Variants in ZFPM2 observed in about 807,000 individuals in gnomAD.
ZFPM2 encodes zinc finger protein ZFPM2.
ZFPM2 carries 20 observed loss-of-function variants against 98.6 expected under a neutral mutation model. The ratio of observed to expected loss-of-function variants is 0.20; its 90% confidence interval spans 0.14 to 0.29. The LOEUF is 0.29. ZFPM2 is among the 10% of genes least tolerant of loss of function. The pLI is 1.00. For missense variants in ZFPM2, 1,310 were observed against 1,388.6 expected, an observed-to-expected ratio of 0.94 and a Z score of 0.90; for synonymous variants, 518 against 502.7, an observed-to-expected ratio of 1.03 and a Z score of -0.41.
chr8:105,785,312 C>G (rs1813381604), intron 5 of ZFPM2: 1 of 148,094 alleles, frequency 6.8e-6, no homozygotes, highest in South Asian at 2.1e-4. Context: ...TACACACATA[C>G]AACAGACACA....
At chr8:105,403,968 G>A (rs1449542784) in intron 1 of ZFPM2, among the ~76,000 whole-genome samples, 1 of 150,142 alleles carries the variant, frequency 6.7e-6, no homozygotes, top group Non-Finnish European at 1.5e-5. Context: ...TGATGCTAAG[G>A]GACTTTGATG....
intron 3 of ZFPM2, among the ~76,000 whole-genome samples, chr8:105,493,096 T>C (rs772403762): frequency 1.5e-4 from 23 of 152,206 alleles, no homozygotes; most frequent in Non-Finnish European, 3.1e-4. Flanking sequence ...TGATTAAATA[T>C]GTCTGGCTTT....
intron 5 of ZFPM2, among the ~76,000 whole-genome samples, chr8:105,770,241 C>T (rs1368582829): frequency 6.6e-6 from 1 of 151,962 alleles, no homozygotes; most frequent in East Asian, 1.9e-4. Context: ...TCACAAGTAC[C>T]CTGTACTAGT....
chr8:105,738,834 C>G (rs966910486), intron 5 of ZFPM2, among the ~76,000 whole-genome samples: 1 of 151,754 alleles, frequency 6.6e-6, no homozygotes, highest in Non-Finnish European at 1.5e-5. Context: ...ACATTTCAAT[C>G]AATGCAAATA....
rs1813911095 is a variant in ZFPM2 at position 105,798,818 on chromosome 8, A to G, written c.834A>G (p.Arg278=). Residue 278 remains arginine, a synonymous_variant, in exon 7 of 8, where the codon AGA becomes AGG. Transcript: ENST00000407775. ...HLMYYCSGRQ[R]EAAPVSEENE... The stretch of plus-strand genomic sequence containing the variant: ...TGTACTACTGCAGTGGGAGGCAAAG[A>G]GAAGCTGCTCCGGTGTCAGAGGAAA... 1 of 1,613,854 alleles carries G rather than the reference A, an allele frequency of 6.2e-7. No homozygotes were observed. The highest frequency in any genetic ancestry group is 1.7e-5 in the Admixed American group (1 of 59,998).
intron 3 of ZFPM2, among the ~76,000 whole-genome samples, chr8:105,475,123 C>T (rs1424505564): frequency 6.6e-6 from 1 of 152,174 alleles, no homozygotes; most frequent in East Asian, 1.9e-4. Flanking sequence ...TAACATATAA[C>T]TTAGAGGAGT....
At chr8:105,681,843 T>TC (rs1157344970) in intron 5 of ZFPM2, among the ~76,000 whole-genome samples, 2 of 152,178 alleles carry the variant, frequency 1.3e-5, no homozygotes, top group Admixed American at 6.5e-5. Flanking sequence ...GTCTTTTTTT[T>TC]CAACACTGAC....
rs141704899 is a variant in ZFPM2, at chr8:105,646,297, T to A, written c.532+11940T>A. On this transcript the variant is annotated intron_variant, in intron 5 of 7. Transcript: ENST00000407775. The stretch of plus-strand genomic sequence containing the variant: ...GCAGTCTCCCATCAGGAAGGAATGC[T>A]GTTCAGTTGTTTTGTCAAAACTGCA... 2.0e-4 allele frequency among the ~76,000 whole-genome samples: 31 copies of A among 152,272 alleles called. No individual in the cohort carries two copies. The East Asian group carries it at 5.8e-3, about 29-fold the overall frequency.
rs183398304 is a variant in ZFPM2, at chr8:105,583,878, A to G, written c.420+22397A>G. ...TCACTCATTCTCCATTCATTTTAGT[A>G]AAGACATCATGGAGTATCCTTTTCA... On this transcript the variant is annotated intron_variant, in intron 4 of 7. Transcript: ENST00000407775. 1.6e-3 allele frequency among the ~76,000 whole-genome samples: 242 copies of G among 152,340 alleles called. 1 individual carries two copies. Among genetic ancestry groups the G allele is most frequent in the Non-Finnish European group, 4.4e-4 (30 of 68,032 alleles).
At chr8:105,705,069 A>G (rs1020798751) in intron 5 of ZFPM2, among the ~76,000 whole-genome samples, 1 of 152,202 alleles carries the variant, frequency 6.6e-6, no homozygotes, top group African/African-American at 2.4e-5. Context: ...TGTTTTAATC[A>G]TGATGTTAAT....
At chr8:105,525,113 C>T (rs1814146922) in intron 3 of ZFPM2, among the ~76,000 whole-genome samples, 1 of 152,098 alleles carries the variant, frequency 6.6e-6, no homozygotes, top group South Asian at 2.1e-4. Flanking sequence ...CTGTTTGTGA[C>T]CCCTATTCTT....
chr8:105,652,406 A>G (rs1817200333), intron 5 of ZFPM2, among the ~76,000 whole-genome samples: 1 of 150,980 alleles, frequency 6.6e-6, no homozygotes, highest in Non-Finnish European at 1.5e-5. Context: ...CTGTCAAACA[A>G]CAGTAGGGTC....
At chr8:105,473,412 T>G (rs1444254486) in intron 3 of ZFPM2, among the ~76,000 whole-genome samples, 3 of 152,216 alleles carry the variant, frequency 2.0e-5, no homozygotes, top group African/African-American at 7.2e-5. Flanking sequence ...TTTAAACATT[T>G]TTCATGTTTA....
At chr8:105,592,457 TA>T (rs960059731) in intron 4 of ZFPM2, among the ~76,000 whole-genome samples, 1 of 152,106 alleles carries the variant, frequency 6.6e-6, no homozygotes, top group African/African-American at 2.4e-5. Flanking sequence ...TTTTCCAGTA[TA>T]AAAATGTTAA....
At chr8:105,620,260 A>T (rs905809353) in intron 4 of ZFPM2, among the ~76,000 whole-genome samples, 7 of 151,944 alleles carry the variant, frequency 4.6e-5, no homozygotes. Flanking sequence ...TGTGGTTTTG[A>T]TTTGCGTTTC....
intron 3 of ZFPM2, among the ~76,000 whole-genome samples, chr8:105,452,215 G>A (rs1208165384): frequency 1.3e-5 from 2 of 152,100 alleles, no homozygotes; most frequent in Non-Finnish European, 2.9e-5. Flanking sequence ...ATGCTTTTAT[G>A]CATTATGAAG....
intron 1 of ZFPM2, among the ~76,000 whole-genome samples, chr8:105,333,499 A>T (rs1421494652): frequency 6.6e-6 from 1 of 150,572 alleles, no homozygotes; most frequent in Non-Finnish European, 1.5e-5. Context: ...AAGGCAAAGT[A>T]ATTGTTACTG....
intron 2 of ZFPM2, among the ~76,000 whole-genome samples, chr8:105,443,920 G>A (rs1422870472): frequency 6.6e-6 from 1 of 152,088 alleles, no homozygotes; most frequent in East Asian, 1.9e-4. Context: ...CTTTAGAAAA[G>A]TTATAATTTG....
At chr8:105,748,435 G>A (rs539731310) in intron 5 of ZFPM2, among the ~76,000 whole-genome samples, 5 of 152,084 alleles carry the variant, frequency 3.3e-5, no homozygotes, top group Non-Finnish European at 5.9e-5. Context: ...TGATTTCTTA[G>A]GCATTAGTAA....
Sources: gnomAD v4.1 joint callset for allele counts (sites outside exome capture counted in the v4.1 genomes callset) on GRCh38, gnomAD v4.1.1 for gene constraint, MANE v1.5 for transcripts, NCBI Gene and HGNC (gene_info 2026-07-23, HGNC 2026-07-21) for gene names.